The following WDR7 variants were observed in gnomAD, a reference collection of about 807,000 sequenced individuals.
WDR7 encodes WD repeat domain 7.
A neutral mutation model predicts 169.4 loss-of-function variants in WDR7; 46 were observed. That is an observed-to-expected ratio of 0.27 (90% CI 0.21 to 0.35). WDR7 has a LOEUF of 0.35. Among genes scored for constraint, WDR7 ranks in the 10% least tolerant of loss-of-function variants. The pLI, the probability that WDR7 is intolerant of heterozygous loss-of-function variation, is 1.00. For missense variants in WDR7, 1,534 were observed against 1,859.3 expected, an observed-to-expected ratio of 0.83 and a Z score of 3.22; for synonymous variants, 612 against 666.8, an observed-to-expected ratio of 0.92 and a Z score of 1.27.
At position 56,696,247 on chromosome 18, in the gene WDR7, C is replaced by G. The variant is rs745472032; in HGVS notation, c.1363C>G (p.Pro455Ala). The change falls in exon 12 of 28, where the codon CCA becomes GCA. Residue 455 changes from proline to alanine, a missense_variant. By Grantham distance (27) the Pro-to-Ala change is conservative (BLOSUM62 -1). Coordinates refer to ENST00000254442, the MANE Select transcript of WDR7 (RefSeq NM_015285.3). ...QGEHMLRRGWPPHRTLRGHRN... is the reference protein window; with the variant it reads ...QGEHMLRRGWAPHRTLRGHRN... ...ATCCAAACCCTCATTCACAGGTTGGCCACCTCACAGAACACTCCGTGGTCA... is the reference window on the plus strand; with the variant it reads ...ATCCAAACCCTCATTCACAGGTTGGGCACCTCACAGAACACTCCGTGGTCA... 6.3e-7 allele frequency: 1 copy of G among 1,599,658 alleles called. No homozygotes were observed. Among genetic ancestry groups the G allele is most frequent in the African/African-American group, 1.3e-5 (1 of 74,500 alleles).
At position 56,849,507 on chromosome 18, in the gene WDR7, G is replaced by T. The variant is rs536602527; in HGVS notation, c.3305-30437G>T. 3.9e-5 allele frequency among the ~76,000 whole-genome samples: 6 copies of T among 152,284 alleles called. No homozygotes were observed. The East Asian group carries it at 7.7e-4, about 20-fold the overall frequency. On this transcript the variant is annotated intron_variant, in intron 20 of 27. Transcript: ENST00000254442. Reference sequence around the variant, plus strand: ...ACTAAATCTTTAGCCCAGTTCTGGGGTCATCAATTCCCATTGTCTCTTTCT... The same window carrying T: ...ACTAAATCTTTAGCCCAGTTCTGGGTTCATCAATTCCCATTGTCTCTTTCT...
At chr18:56,722,413 T>C (rs781612651) in intron 13 of WDR7, among the ~76,000 whole-genome samples, 12 of 152,348 alleles carry the variant, frequency 7.9e-5, no homozygotes, top group Admixed American at 1.3e-4. Context: ...TTGCCAGTAG[T>C]ATCTAATACA....
chr18:56,965,332 AG>A lies in WDR7; in HGVS notation c.4164+2804del, dbSNP rs576218970. 8.7e-4 allele frequency among the ~76,000 whole-genome samples: 132 copies of A among 152,234 alleles called. 1 individual carries two copies. The highest frequency in any genetic ancestry group is 2.7e-3 in the South Asian group (13 of 4,820). On this transcript the variant is annotated intron_variant, in intron 26 of 27. Coordinates refer to ENST00000254442, the MANE Select transcript of WDR7 (RefSeq NM_015285.3). ...TGGGATCAGAGAACCCATGACTGAG[AG>A]ACTGAAGGGTCATATATGTCCCCTG...
chr18:56,684,037 G>A (rs1356097593), intron 5 of WDR7, among the ~76,000 whole-genome samples: 1 of 152,134 alleles, frequency 6.6e-6, no homozygotes, highest in Admixed American at 6.6e-5. Context: ...GGCTGATTGA[G>A]GGCAGTAGAG....
chr18:56,867,625 T>C (rs1174106841), intron 20 of WDR7, among the ~76,000 whole-genome samples: 1 of 152,192 alleles, frequency 6.6e-6, no homozygotes, highest in African/African-American at 2.4e-5. Context: ...AAAAATGGCA[T>C]GACATCTTAT....
At chr18:56,831,910 TG>T (rs900340970) in intron 20 of WDR7, among the ~76,000 whole-genome samples, 4 of 152,122 alleles carry the variant, frequency 2.6e-5, no homozygotes, top group African/African-American at 9.7e-5. Flanking sequence ...ACTGGGTGGC[TG>T]TTTGCGCGGA....
rs750295159 is a variant in WDR7 at position 56,696,286 on chromosome 18, A to G, written c.1402A>G (p.Thr468Ala). ...RTLRGHRNKV[T>A]CLLYPHQVSA... is the part of the protein sequence containing the mutation. ...ACTCCGTGGTCATCGGAACAAAGTCACATGTTTGCTATATCCTCATCAGGT... is the reference window on the plus strand; with the variant it reads ...ACTCCGTGGTCATCGGAACAAAGTCGCATGTTTGCTATATCCTCATCAGGT... The change falls in exon 12 of 28, where the codon ACA becomes GCA. Residue 468 changes from threonine to alanine, a missense_variant. Transcript: ENST00000254442. 2.4e-5 allele frequency: 39 copies of G among 1,614,012 alleles called. No individual in the cohort carries two copies. The highest frequency in any genetic ancestry group is 1.6e-4 in the Middle Eastern group (1 of 6,084).
chr18:56,965,494 C>T (rs1005764155), intron 26 of WDR7, among the ~76,000 whole-genome samples: 2 of 150,218 alleles, frequency 1.3e-5, no homozygotes, highest in Non-Finnish European at 3.0e-5. Context: ...ACAGATTATG[C>T]AAAACCACAG....
chr18:56,726,775 A>G (rs934772620), intron 13 of WDR7, among the ~76,000 whole-genome samples: 24 of 152,102 alleles, frequency 1.6e-4, no homozygotes, highest in Non-Finnish European at 2.8e-4. Context: ...CAAATGGAAC[A>G]CCTTCCTGAG....
chr18:56,827,235 A>T (rs1459037550), intron 20 of WDR7, among the ~76,000 whole-genome samples: 1 of 152,158 alleles, frequency 6.6e-6, no homozygotes, highest in Non-Finnish European at 1.5e-5. Context: ...CCCTTATTTG[A>T]GTTACTTGAC....
At chr18:56,873,857 C>G (rs2045985949) in intron 20 of WDR7, 1 of 152,220 alleles carries the variant, frequency 6.6e-6, no homozygotes, top group Non-Finnish European at 1.5e-5. Context: ...TGTCTGAGCA[C>G]CTGGGCTAGA....
chr18:56,662,154 A>G (rs1170239078), intron 1 of WDR7, among the ~76,000 whole-genome samples: 2 of 152,170 alleles, frequency 1.3e-5, no homozygotes, highest in Non-Finnish European at 1.5e-5. Context: ...GTGAGAGAAA[A>G]TTTGAGTTTG....
chr18:56,686,159 CT>C, intron 6 of WDR7, 127 bp downstream of exon 6: 1 of 722,936 alleles, frequency 1.4e-6, no homozygotes, highest in Non-Finnish European at 2.1e-6. Flanking sequence ...TGATAATTTT[CT>C]TATAGGCATA....
intron 21 of WDR7, among the ~76,000 whole-genome samples, chr18:56,880,995 G>A (rs1405849748): frequency 6.6e-6 from 1 of 152,126 alleles, no homozygotes; most frequent in Non-Finnish European, 1.5e-5. Context: ...AAATATTCTT[G>A]TAGAACAAAA....
chr18:56,985,902 CT>C, intron 26 of WDR7, among the ~76,000 whole-genome samples: 1 of 151,958 alleles, frequency 6.6e-6, no homozygotes, highest in Admixed American at 6.6e-5. Flanking sequence ...TGTATATTAA[CT>C]GCTGTTACTA....
At chr18:56,972,638 G>T (rs1467521031) in intron 26 of WDR7, among the ~76,000 whole-genome samples, 1 of 152,144 alleles carries the variant, frequency 6.6e-6, no homozygotes. Context: ...TTGAAGAATT[G>T]CCTAACAAGC....
chr18:56,735,824 A>G (rs1254260651), intron 14 of WDR7, among the ~76,000 whole-genome samples: 1 of 152,224 alleles, frequency 6.6e-6, no homozygotes, highest in Admixed American at 6.5e-5. Context: ...GCTTTCCAAT[A>G]AAACTATTTA....
chr18:56,888,566 C>G (rs983087173), intron 21 of WDR7, among the ~76,000 whole-genome samples: 10 of 152,218 alleles, frequency 6.6e-5, no homozygotes, highest in Non-Finnish European at 1.3e-4. Flanking sequence ...TTTATATCAG[C>G]ACACTTCAGT....
At chr18:56,867,181 C>T (rs557490736) in intron 20 of WDR7, among the ~76,000 whole-genome samples, 24 of 152,156 alleles carry the variant, frequency 1.6e-4, no homozygotes, top group Non-Finnish European at 3.2e-4. Flanking sequence ...CTCACCACCA[C>T]ACCTGGCTAA....
Sources: gnomAD v4.1 joint callset for allele counts (sites outside exome capture counted in the v4.1 genomes callset) on GRCh38, gnomAD v4.1.1 for gene constraint, MANE v1.5 for transcripts, NCBI Gene and HGNC (gene_info 2026-07-23, HGNC 2026-07-21) for gene names.